The following TUFT1 variants were observed in gnomAD, a reference collection of about 807,000 sequenced individuals.
TUFT1 encodes the protein tuftelin.
TUFT1 carries 43 observed loss-of-function variants against 57.8 expected under a neutral mutation model. The observed-to-expected ratio is 0.74, with a 90% CI of 0.58 to 0.96. TUFT1 has a LOEUF of 0.96. Ranked by LOEUF, TUFT1 falls within the 40% of genes least tolerant of loss-of-function variation. TUFT1 has a pLI of 0.00. For synonymous variants in TUFT1, 166 were observed against 176.7 expected (o/e 0.94, Z 0.48); for missense variants, 459 against 489.0 (o/e 0.94, Z 0.58).
intron 1 of TUFT1, among the ~76,000 whole-genome samples, chr1:151,545,064 A>G (rs557370733): frequency 2.2e-4 from 34 of 152,142 alleles, no homozygotes; most frequent in Non-Finnish European, 4.4e-4. Context: ...TAATCCCAGC[A>G]CTTTGGGAGG....
intron 1 of TUFT1, among the ~76,000 whole-genome samples, chr1:151,556,644 C>T (rs182101825): frequency 6.0e-4 from 92 of 152,234 alleles, no homozygotes; most frequent in African/African-American, 2.1e-3. Context: ...CTCCTGGCCT[C>T]AAGCAATCCT....
At position 151,564,530 on chromosome 1, in the gene TUFT1, G is replaced by T. The variant is rs1666002132; in HGVS notation, c.330G>T (p.Arg110Ser). 1.2e-6 allele frequency: 2 copies of T among 1,613,920 alleles called. No homozygotes were observed. Among genetic ancestry groups the T allele is most frequent in the South Asian group, 2.2e-5 (2 of 91,052 alleles). ...KSEVQYIQEARNCLQKLREDI... is the reference protein window; with the variant it reads ...KSEVQYIQEASNCLQKLREDI... ...TTCTTCCCCTCCCCTCCCAGGCCAG[G>T]AACTGCCTACAGAAGCTCCGGGAGG... is the stretch of plus-strand genomic sequence containing the variant. The change falls in exon 5 of 13, where the codon AGG becomes AGT. Residue 110 changes from arginine to serine, a missense_variant. Physicochemically the swap from Arg to Ser is moderately radical, Grantham distance 110 (BLOSUM62 -1). Coordinates refer to ENST00000368849, the MANE Select transcript of TUFT1 (RefSeq NM_020127.3).
At chr1:151,558,718 G>C (rs1321691075) in intron 1 of TUFT1, among the ~76,000 whole-genome samples, 1 of 151,678 alleles carries the variant, frequency 6.6e-6, no homozygotes, top group East Asian at 1.9e-4. Context: ...CCTTTGTTCT[G>C]ACTGAAGGAT....
intron 7 of TUFT1, among the ~76,000 whole-genome samples, chr1:151,571,052 A>T (rs775327628): frequency 2.0e-5 from 3 of 152,202 alleles, no homozygotes; most frequent in Non-Finnish European, 4.4e-5. Flanking sequence ...ACCATCTGTT[A>T]CCTGCTTTTG....
intron 5 of TUFT1, chr1:151,564,835 C>T (rs187065215): frequency 7.2e-5 from 31 of 431,276 alleles, no homozygotes; most frequent in Admixed American, 1.2e-4. Context: ...CATAAGTACA[C>T]CTGCTCCTGA....
intron 8 of TUFT1, 130 bp downstream of exon 8, chr1:151,574,528 TG>T: frequency 8.2e-7 from 1 of 1,217,898 alleles, no homozygotes; most frequent in Non-Finnish European, 1.1e-6. Flanking sequence ...CACCTTCCTT[TG>T]GCAGATCCCT....
chr1:151,540,318 C>T lies in TUFT1; in HGVS notation c.-49C>T. 6.2e-7 allele frequency: 1 copy of T among 1,612,966 alleles called. No homozygotes were observed. Among genetic ancestry groups the T allele is most frequent in the Non-Finnish European group, 8.5e-7 (1 of 1,179,254 alleles). On this transcript the variant is annotated 5_prime_UTR_variant, in exon 1 of 13. Transcript: ENST00000368849. ...CCGCGCGCGCCCGCCCAGTTGGAGC[C>T]AGACAGCGGGGTGGACAAGTGGCGT...
At chr1:151,556,445 G>A (rs540065219) in intron 1 of TUFT1, among the ~76,000 whole-genome samples, 237 of 133,104 alleles carry the variant, frequency 1.8e-3, no homozygotes, top group African/African-American at 6.1e-3. Flanking sequence ...GTCCTACTCC[G>A]TAGCCCAGGC....
intron 7 of TUFT1, 190 bp downstream of exon 7, chr1:151,569,960 G>T: frequency 1.9e-6 from 1 of 538,144 alleles, no homozygotes. Context: ...ACTGTCCAAG[G>T]CCAGCCCATA....
intron 1 of TUFT1, among the ~76,000 whole-genome samples, chr1:151,548,930 C>A (rs1665428110): frequency 1.3e-5 from 2 of 152,106 alleles, no homozygotes; most frequent in African/African-American, 2.4e-5. Flanking sequence ...TCCTTATTTC[C>A]CTGGGGCCTC....
intron 1 of TUFT1, among the ~76,000 whole-genome samples, chr1:151,546,430 T>G (rs534745997): frequency 1.3e-5 from 2 of 152,360 alleles, no homozygotes; most frequent in African/African-American, 4.8e-5. Context: ...TGGTTTTTAG[T>G]ACATTCACAG....
At chr1:151,558,887 C>T (rs1458533003) in intron 1 of TUFT1, among the ~76,000 whole-genome samples, 2 of 151,480 alleles carry the variant, frequency 1.3e-5, no homozygotes, top group African/African-American at 2.4e-5. Context: ...TAGGTTCAAG[C>T]GATTCTCCTG....
At chr1:151,563,805 G>T (rs760836428) in intron 3 of TUFT1, 99 bp from the exon 4 acceptor site, 6 of 970,112 alleles carry the variant, frequency 6.2e-6, no homozygotes, top group Non-Finnish European at 9.8e-6. Flanking sequence ...TAAATTGGTG[G>T]TAACAATTTA....
chr1:151,567,648 C>G (rs946327574), intron 6 of TUFT1, among the ~76,000 whole-genome samples: 5 of 152,106 alleles, frequency 3.3e-5, no homozygotes, highest in African/African-American at 1.2e-4. Flanking sequence ...TGGGTTCAAG[C>G]AATTCTCGTG....
At chr1:151,542,232 T>G (rs894217589) in intron 1 of TUFT1, among the ~76,000 whole-genome samples, 1 of 152,006 alleles carries the variant, frequency 6.6e-6, no homozygotes, top group Admixed American at 6.6e-5. Context: ...TTCTTTTCTC[T>G]TTTTTTGAGA....
chr1:151,562,039 C>T (rs1436848295), intron 1 of TUFT1, 52 bp from the exon 2 acceptor site: 4 of 1,579,026 alleles, frequency 2.5e-6, no homozygotes, highest in African/African-American at 1.4e-5. Flanking sequence ...GCAGTTTGTA[C>T]CTGTAGACTG....
intron 12 of TUFT1, 46 bp from the exon 13 acceptor site, chr1:151,581,598 C>T (rs903395285): frequency 5.0e-6 from 8 of 1,600,034 alleles, no homozygotes; most frequent in Non-Finnish European, 6.0e-6. Context: ...TGGGCCACAA[C>T]ACAGCTGTTC....
intron 1 of TUFT1, among the ~76,000 whole-genome samples, chr1:151,549,234 G>A (rs1044191271): frequency 2.0e-5 from 3 of 152,190 alleles, no homozygotes; most frequent in African/African-American, 2.4e-5. Flanking sequence ...TTTTTGGGGT[G>A]TTCCTAAAGC....
At chr1:151,566,523 T>G (rs1175460487) in intron 6 of TUFT1, among the ~76,000 whole-genome samples, 1 of 152,206 alleles carries the variant, frequency 6.6e-6, no homozygotes. Flanking sequence ...AAGGATATGA[T>G]GCCTGGGTCC....
Sources: allele counts gnomAD v4.1 joint callset (sites outside exome capture counted in the v4.1 genomes callset), GRCh38; gene constraint gnomAD v4.1.1; transcripts MANE v1.5; gene names NCBI Gene and HGNC (gene_info 2026-07-23, HGNC 2026-07-21).